Variants in USP8 observed in about 807,000 individuals in gnomAD.
USP8 encodes the protein ubiquitin carboxyl-terminal hydrolase 8.
Under a neutral mutation model 130.0 loss-of-function variants are expected in USP8, and 27 were observed. The observed-to-expected ratio is 0.21, with a 90% CI of 0.15 to 0.29. USP8 has a LOEUF of 0.29. USP8 is among the 10% of genes least tolerant of loss of function. The pLI, the probability that USP8 is intolerant of heterozygous loss-of-function variation, is 1.00. For missense variants in USP8, 1,029 were observed against 1,312.2 expected, an observed-to-expected ratio of 0.78 and a Z score of 3.33; for synonymous variants, 392 against 444.1, an observed-to-expected ratio of 0.88 and a Z score of 1.48.
In USP8 at chr15:50,495,486, AG is replaced by A. The variant is rs553634288; in HGVS notation, c.2659-354del. Among the ~76,000 whole-genome samples, 18 of 106,838 alleles carry A rather than the reference AG, an allele frequency of 1.7e-4. 1 individual carries two copies. Among genetic ancestry groups the A allele is most frequent in the South Asian group, 1.1e-3 (3 of 2,804 alleles). The allele number at this position is 106,838 out of a possible 152,430, so 70.1% of individuals were successfully genotyped here. On this transcript the variant is annotated intron_variant, in intron 16 of 19. Transcript: ENST00000307179. Reference sequence around the variant, plus strand: ...TTTTTCTTTTTTTAGTAGAGATTGGAGGGGGGGGTCTCACTATGTTGCACAA... The same window carrying A: ...TTTTTCTTTTTTTAGTAGAGATTGGAGGGGGGGTCTCACTATGTTGCACAA...
intron 2 of USP8, among the ~76,000 whole-genome samples, chr15:50,440,731 G>A (rs564300077): frequency 1.3e-5 from 2 of 152,006 alleles, no homozygotes; most frequent in Non-Finnish European, 2.9e-5. Flanking sequence ...GGCTAGGCGC[G>A]GTGGCTCATG....
Position 50,500,946 on chromosome 15 carries a change from T to TA in USP8, c.*1862dup. The TA allele has an allele frequency of 1.1e-6, 1 of 919,048 alleles. No homozygotes were observed. The allele number at this position is 919,048 out of a possible 1,614,324, so 56.9% of individuals were successfully genotyped here. A position where few individuals can be genotyped will look rare whatever the true frequency, so the allele number is the denominator to read the frequency against. On this transcript the variant is annotated 3_prime_UTR_variant, in exon 20 of 20. Transcript: ENST00000307179. The stretch of plus-strand genomic sequence containing the variant: ...TTTTAAATTGTCCCTTATTCTAAAT[T>TA]AAAAGGAAGTGATAATTTTGTTGTT...
intron 4 of USP8, among the ~76,000 whole-genome samples, chr15:50,453,341 C>A (rs1444829564): frequency 6.6e-6 from 1 of 152,100 alleles, no homozygotes. Context: ...CTATTGTTTT[C>A]CCAGTAGAAC....
intron 4 of USP8, among the ~76,000 whole-genome samples, chr15:50,451,073 AT>A (rs917539954): frequency 8.7e-5 from 13 of 149,176 alleles, no homozygotes; most frequent in African/African-American, 2.2e-4. Flanking sequence ...ACTGGCTTGA[AT>A]TTTTTTTTTT....
chr15:50,433,514 C>G (rs2049993171), intron 1 of USP8, among the ~76,000 whole-genome samples: 1 of 152,178 alleles, frequency 6.6e-6, no homozygotes, highest in Non-Finnish European at 1.5e-5. Flanking sequence ...TCACTTTTTA[C>G]CTTTTAGTCT....
chr15:50,461,505 G>GGATA (rs539182176), intron 5 of USP8, among the ~76,000 whole-genome samples: 80 of 150,180 alleles, frequency 5.3e-4, no homozygotes, highest in Non-Finnish European at 1.0e-3. Context: ...GTTTCCCCAT[G>GGATA]GATAAAATGA....
rs184907141 is a variant in USP8 at position 50,513,882 on chromosome 15, A to G, written c.*14794A>G. ...AGCAGTATGTACTAAAGCCAGACAT[A>G]TGCGTATTTCTGAACCAGGAGTTTC... On this transcript the variant is annotated 3_prime_UTR_variant, in exon 20 of 20. Coordinates refer to ENST00000307179, the MANE Select transcript of USP8 (RefSeq NM_005154.5). 6.6e-6 allele frequency: 1 copy of G among 152,202 alleles called. No individual in the cohort carries two copies. Among genetic ancestry groups the G allele is most frequent in the Admixed American group, 6.5e-5 (1 of 15,276 alleles). 9.4% of individuals were successfully genotyped at this position (152,202 alleles called of 1,614,324 possible).
At chr15:50,495,491 G>C (rs993973777) in intron 16 of USP8, among the ~76,000 whole-genome samples, 1 of 148,790 alleles carries the variant, frequency 6.7e-6, no homozygotes, top group Non-Finnish European at 1.5e-5. Flanking sequence ...ATTGGAGGGG[G>C]GGGTCTCACT....
intron 11 of USP8, 140 bp downstream of exon 11, chr15:50,482,205 A>G (rs1195067889): frequency 2.9e-6 from 2 of 697,194 alleles, no homozygotes; most frequent in East Asian, 6.6e-5. Flanking sequence ...ATCTATCCAC[A>G]TTTGCTCATC....
intron 1 of USP8, among the ~76,000 whole-genome samples, chr15:50,427,136 A>G (rs2049759512): frequency 6.6e-6 from 1 of 151,946 alleles, no homozygotes; most frequent in Non-Finnish European, 1.5e-5. Flanking sequence ...ATGGGGTTTC[A>G]CCATGTTGGC....
At position 50,500,690 on chromosome 15, in the gene USP8, A is replaced by G; in HGVS notation, c.*1602A>G. ...TGTATTGGTATGGAAAAGGGCTGGC[A>G]GCTATAGAACAGGAGATCCATAGCA... On this transcript the variant is annotated 3_prime_UTR_variant, in exon 20 of 20. Transcript: ENST00000307179. 3 of 1,361,602 alleles carry G rather than the reference A, an allele frequency of 2.2e-6. No homozygotes were observed. Among genetic ancestry groups the G allele is most frequent in the Non-Finnish European group, 3.1e-6 (3 of 975,480 alleles). 84.3% of individuals were successfully genotyped at this position (1,361,602 alleles called of 1,614,324 possible).
Position 50,509,151 on chromosome 15 carries a change from A to AAT in USP8, c.*10064_*10065insTA, listed in dbSNP as rs2052705081. On this transcript the variant is annotated 3_prime_UTR_variant, in exon 20 of 20. Coordinates refer to ENST00000307179, the MANE Select transcript of USP8 (RefSeq NM_005154.5). ...CCGTCACAAAAAAAAAAAAAAAAAA[A>AAT]AAAAAAAAAATTACAAAATTAGCTG... is the stretch of plus-strand genomic sequence containing the variant. The AAT allele has an allele frequency of 2.1e-5, 3 of 146,326 alleles. No homozygotes were observed. Among genetic ancestry groups the AAT allele is most frequent in the Non-Finnish European group, 4.5e-5 (3 of 66,694 alleles). The allele number at this position is 146,326 out of a possible 1,614,324, so 9.1% of individuals were successfully genotyped here. A position where few individuals can be genotyped will look rare whatever the true frequency, so the allele number is the denominator to read the frequency against.
intron 7 of USP8, 102 bp from the exon 8 acceptor site, chr15:50,471,531 T>A: frequency 7.8e-7 from 1 of 1,274,866 alleles, no homozygotes. Flanking sequence ...TAAAATTTGC[T>A]ATGGTGTGGT....
chr15:50,439,563 C>T (rs916075197), intron 2 of USP8, among the ~76,000 whole-genome samples: 4 of 151,952 alleles, frequency 2.6e-5, no homozygotes, highest in Non-Finnish European at 5.9e-5. Context: ...CCAAGGTGGG[C>T]GGATCACCTA....
intron 4 of USP8, among the ~76,000 whole-genome samples, chr15:50,450,462 CTTTTTT>C (rs35800074): frequency 5.3e-4 from 43 of 80,460 alleles, no homozygotes; most frequent in East Asian, 2.7e-3. Context: ...GTTAGTCATT[CTTTTTT>C]TTTTTTTTTT....
intron 4 of USP8, among the ~76,000 whole-genome samples, chr15:50,449,746 T>C (rs964568016): frequency 6.6e-6 from 1 of 151,384 alleles, no homozygotes; most frequent in Non-Finnish European, 1.5e-5. Context: ...CACGCCCGGC[T>C]AATTTTTTGT....
intron 15 of USP8, chr15:50,493,608 G>A: frequency 2.3e-6 from 1 of 439,104 alleles, no homozygotes; most frequent in Non-Finnish European, 4.5e-6. Context: ...AGCTAGGTGT[G>A]GTGATACATG....
chr15:50,494,754 C>G (rs1278098220), intron 16 of USP8, among the ~76,000 whole-genome samples: 1 of 152,176 alleles, frequency 6.6e-6, no homozygotes, highest in Non-Finnish European at 1.5e-5. Flanking sequence ...GTGGCTTATG[C>G]CTGTAATCCC....
intron 1 of USP8, chr15:50,432,542 A>T (rs1398017839): frequency 2.6e-5 from 4 of 152,202 alleles, no homozygotes; most frequent in Non-Finnish European, 5.9e-5. Context: ...CAAACTTCTT[A>T]TTTTATCACA....
Sources: allele counts gnomAD v4.1 joint callset (sites outside exome capture counted in the v4.1 genomes callset), GRCh38; gene constraint gnomAD v4.1.1; transcripts MANE v1.5; gene names NCBI Gene and HGNC (gene_info 2026-07-23, HGNC 2026-07-21).